The following PLAC8L1 variants were observed in gnomAD, a reference collection of about 807,000 sequenced individuals.
PLAC8L1 encodes PLAC8-like protein 1.
In PLAC8L1, 13 loss-of-function variants were observed where a neutral mutation model predicts 16.3. That is an observed-to-expected ratio of 0.80 (90% CI 0.52 to 1.27). The LOEUF is 1.27. PLAC8L1 is among the 50% of genes most tolerant of loss of function. The pLI is 0.00. For synonymous variants in PLAC8L1, 78 were observed against 79.3 expected (o/e 0.98, Z 0.09); for missense variants, 184 against 220.2 (o/e 0.84, Z 1.04).
intron 1 of PLAC8L1, 66 bp downstream of exon 1, chr5:146,104,127 T>C (rs1168291172): frequency 6.3e-7 from 1 of 1,578,338 alleles, no homozygotes; most frequent in Non-Finnish European, 8.6e-7. Flanking sequence ...TCCTTATAAG[T>C]AGAGGTTGAT....
At chr5:146,090,138 G>A (rs186878777) in intron 2 of PLAC8L1, among the ~76,000 whole-genome samples, 1 of 152,072 alleles carries the variant, frequency 6.6e-6, no homozygotes, top group Admixed American at 6.6e-5. Context: ...CCCCAAGAAG[G>A]GATGCACAAA....
chr5:146,092,011 G>A (rs1763628219), intron 2 of PLAC8L1, among the ~76,000 whole-genome samples: 1 of 152,012 alleles, frequency 6.6e-6, no homozygotes, highest in Non-Finnish European at 1.5e-5. Flanking sequence ...AAATGATTCA[G>A]GTCTGTTCTC....
At chr5:146,104,142 T>A in intron 1 of PLAC8L1, 51 bp downstream of exon 1, 1 of 1,597,774 alleles carries the variant, frequency 6.3e-7, no homozygotes, top group South Asian at 1.1e-5. Flanking sequence ...GTTGATTCGA[T>A]AGTCCAACTA....
intron 2 of PLAC8L1, among the ~76,000 whole-genome samples, chr5:146,091,572 G>A (rs1025948166): frequency 6.6e-6 from 1 of 152,036 alleles, no homozygotes. Flanking sequence ...CAAGGCAGGA[G>A]GATCACTTGA....
chr5:146,103,694 CT>C, intron 1 of PLAC8L1: 1 of 985,340 alleles, frequency 1.0e-6, no homozygotes, highest in South Asian at 4.7e-5. Context: ...ACTTTTCCCT[CT>C]TTTTGACCTC....
chr5:146,097,575 T>C (rs371701589), intron 2 of PLAC8L1, among the ~76,000 whole-genome samples: 4 of 152,354 alleles, frequency 2.6e-5, no homozygotes, highest in South Asian at 2.1e-4. Context: ...GTTTCTTTAA[T>C]GTAAAAATGT....
chr5:146,099,491 T>TTG (rs1308041974), intron 1 of PLAC8L1: 2 of 152,036 alleles, frequency 1.3e-5, no homozygotes, highest in African/African-American at 4.8e-5. Context: ...AAACCCCATC[T>TTG]CTACTAAAAA....
At chr5:146,098,867 A>G (rs1439822088) in intron 1 of PLAC8L1, among the ~76,000 whole-genome samples, 1 of 152,240 alleles carries the variant, frequency 6.6e-6, no homozygotes, top group Admixed American at 6.5e-5. Context: ...TGAAGTTGAC[A>G]TGGGTATCAT....
At chr5:146,090,087 G>C (rs1298334686) in intron 2 of PLAC8L1, among the ~76,000 whole-genome samples, 5 of 152,088 alleles carry the variant, frequency 3.3e-5, no homozygotes, top group Admixed American at 3.3e-4. Flanking sequence ...GCTCTGTACT[G>C]TGAGGAATGC....
chr5:146,099,673 A>G (rs1398066087), intron 1 of PLAC8L1, among the ~76,000 whole-genome samples: 3 of 151,770 alleles, frequency 2.0e-5, no homozygotes, highest in Non-Finnish European at 4.4e-5. Context: ...AAAAAAAAAA[A>G]AAAAAAAAAG....
At chr5:146,096,971 G>A (rs1365667346) in intron 2 of PLAC8L1, among the ~76,000 whole-genome samples, 1 of 152,218 alleles carries the variant, frequency 6.6e-6, no homozygotes, top group African/African-American at 2.4e-5. Flanking sequence ...TTCTCTGGTT[G>A]ATATGTCCTG....
intron 2 of PLAC8L1, among the ~76,000 whole-genome samples, chr5:146,089,942 T>C (rs1378864856): frequency 1.3e-5 from 2 of 151,896 alleles, no homozygotes; most frequent in African/African-American, 2.4e-5. Flanking sequence ...TTTCACCACG[T>C]TGGCCAGGCT....
Position 146,085,558 on chromosome 5 carries a change from T to C in PLAC8L1, c.296A>G (p.Asp99Gly). 6.2e-7 allele frequency: 1 copy of C among 1,614,126 alleles called. No individual in the cohort carries two copies. The highest frequency in any genetic ancestry group is 8.5e-7 in the Non-Finnish European group (1 of 1,180,020). ...ACACTCTCCATAATGCCTGGCGATG[T>C]CACACTCAAGACACATAGGACAGAA... ...GLFCPMCLEC[D>G]IARHYGECLC... The change falls in exon 3 of 4, where the codon GAC becomes GGC. Residue 99 changes from aspartate to glycine, a missense_variant. By Grantham distance (94) the Asp-to-Gly change is moderately conservative (BLOSUM62 -1). Transcript: ENST00000311450.
At position 146,092,805 on chromosome 5, in the gene PLAC8L1, G is replaced by T. The variant is rs1763643900; in HGVS notation, c.256+5351C>A. 2.6e-5 allele frequency among the ~76,000 whole-genome samples: 4 copies of T among 152,100 alleles called. No individual in the cohort carries two copies. In the South Asian group the frequency reaches 8.3e-4, roughly 32 times the overall value. Reference sequence around the variant, plus strand: ...CCCGCCTTGGCCTCCCAAAGTGCTGGGATTACAGGCGAGAGCCACCGCACC... The same window carrying T: ...CCCGCCTTGGCCTCCCAAAGTGCTGTGATTACAGGCGAGAGCCACCGCACC... On this transcript the variant is annotated intron_variant, in intron 2 of 3. Transcript: ENST00000311450.
In PLAC8L1 at chr5:146,084,573, C is replaced by G. The variant is rs1763477274; in HGVS notation, c.394-1G>C. On this transcript the variant is annotated splice_acceptor_variant, in intron 3 of 3. Transcript: ENST00000311450. LOFTEE classifies it high-confidence loss of function. ...CCAGCCAGTCTTCACACAGTGTGCC[C>G]TAGGGCAAGACCAGAATCTGTTCTG... 6.2e-7 allele frequency: 1 copy of G among 1,613,276 alleles called. No homozygotes were observed. Among genetic ancestry groups the G allele is most frequent in the Admixed American group, 1.7e-5 (1 of 60,008 alleles).
chr5:146,103,316 C>T (rs955863930), intron 1 of PLAC8L1, among the ~76,000 whole-genome samples: 5 of 152,118 alleles, frequency 3.3e-5, no homozygotes, highest in Admixed American at 1.3e-4. Context: ...TGCACCACCA[C>T]GCCCAGCTAA....
intron 2 of PLAC8L1, among the ~76,000 whole-genome samples, chr5:146,091,523 A>C (rs898331016): frequency 3.7e-4 from 57 of 152,270 alleles, no homozygotes; most frequent in African/African-American, 1.4e-3. Context: ...GAAAAAGATC[A>C]GGAAGGAAAT....
intron 1 of PLAC8L1, among the ~76,000 whole-genome samples, chr5:146,103,215 A>G (rs1424449551): frequency 1.3e-5 from 2 of 152,120 alleles, no homozygotes; most frequent in Non-Finnish European, 1.5e-5. Context: ...GCTGGAGTGC[A>G]GTAGTGTGAT....
intron 3 of PLAC8L1, among the ~76,000 whole-genome samples, chr5:146,085,039 A>G (rs964018524): frequency 6.7e-6 from 1 of 150,202 alleles, no homozygotes; most frequent in Non-Finnish European, 1.5e-5. Context: ...GATACATTCT[A>G]TGTCTACATA....
Sources: allele counts gnomAD v4.1 joint callset (sites outside exome capture counted in the v4.1 genomes callset), GRCh38; gene constraint gnomAD v4.1.1; transcripts MANE v1.5; gene names NCBI Gene and HGNC (gene_info 2026-07-23, HGNC 2026-07-21).